The following TULP4 variants were observed in gnomAD, a reference collection of about 807,000 sequenced individuals.
TULP4 encodes the protein TUB like protein 4.
A neutral mutation model predicts 129.0 loss-of-function variants in TULP4; 16 were observed. The ratio of observed to expected loss-of-function variants is 0.12; its 90% CI spans 0.08 to 0.19. The LOEUF (loss-of-function observed/expected upper bound fraction) is 0.19. Ranked by LOEUF, TULP4 falls within the 10% of genes least tolerant of loss-of-function variation. The probability of loss-of-function intolerance (pLI) is 1.00; values close to 1 mark genes in which losing one functional copy is unlikely to be tolerated. For missense variants in TULP4, 1,842 were observed against 2,059.1 expected, an observed-to-expected ratio of 0.89 and a Z score of 2.04; for synonymous variants, 998 against 854.0, an observed-to-expected ratio of 1.17 and a Z score of -2.94.
chr6:158,232,704 G>T (rs760559652), intron 1 of TULP4, among the ~76,000 whole-genome samples: 3 of 152,162 alleles, frequency 2.0e-5, no homozygotes, highest in Non-Finnish European at 4.4e-5. Context: ...CCCTGAAAAC[G>T]GTTTCCCCAG....
chr6:158,265,830 T>C (rs746288363), intron 1 of TULP4, among the ~76,000 whole-genome samples: 4 of 152,154 alleles, frequency 2.6e-5, no homozygotes, highest in Non-Finnish European at 4.4e-5. Flanking sequence ...TCTTAGATCA[T>C]TGGACAGCAC....
chr6:158,440,717 C>A (rs917879664), intron 3 of TULP4, among the ~76,000 whole-genome samples: 11 of 152,176 alleles, frequency 7.2e-5, no homozygotes, highest in African/African-American at 2.2e-4. Flanking sequence ...AGCCTCCCAC[C>A]CTTCAGGGCT....
chr6:158,296,832 A>T (rs1035707011), intron 1 of TULP4, among the ~76,000 whole-genome samples: 3 of 152,178 alleles, frequency 2.0e-5, no homozygotes, highest in African/African-American at 7.2e-5. Flanking sequence ...GTGTATGAAC[A>T]GGGAAAAGAT....
chr6:158,241,350 G>A (rs1041995695), intron 1 of TULP4, among the ~76,000 whole-genome samples: 4 of 132,852 alleles, frequency 3.0e-5, no homozygotes, highest in Admixed American at 8.3e-5. Flanking sequence ...GGTGGCGGCC[G>A]GGCAGAGGCT....
chr6:158,421,331 C>A (rs1778333598), intron 2 of TULP4, among the ~76,000 whole-genome samples: 1 of 151,310 alleles, frequency 6.6e-6, no homozygotes, highest in Non-Finnish European at 1.5e-5. Flanking sequence ...CACTGCACTC[C>A]AGCCTGGGCC....
Position 158,506,722 on chromosome 6 carries a change from G to C in TULP4, c.*28G>C. 6.8e-7 allele frequency: 1 copy of C among 1,478,278 alleles called. No individual in the cohort carries two copies. Among genetic ancestry groups the C allele is most frequent in the South Asian group, 1.1e-5 (1 of 88,220 alleles). The allele number at this position is 1,478,278 out of a possible 1,614,324, so 91.6% of individuals were successfully genotyped here. On this transcript the variant is annotated 3_prime_UTR_variant, in exon 14 of 14. Transcript: ENST00000367097. ...AGACTGGTGTGGGGAGGAGAGAGAT[G>C]CAGAGAGCCTTTGGAAGAGGTCTTC... is the stretch of plus-strand genomic sequence containing the variant.
chr6:158,431,337 T>C (rs1162091697), intron 3 of TULP4, among the ~76,000 whole-genome samples: 1 of 152,154 alleles, frequency 6.6e-6, no homozygotes, highest in Non-Finnish European at 1.5e-5. Context: ...GTGAAAGCCC[T>C]TAAAAATCCA....
At chr6:158,403,195 C>T (rs1266079668) in intron 1 of TULP4, among the ~76,000 whole-genome samples, 1 of 152,160 alleles carries the variant, frequency 6.6e-6, no homozygotes, top group Admixed American at 6.5e-5. Flanking sequence ...CCACTGAGCT[C>T]CCGAGCTCTG....
chr6:158,385,965 C>T (rs1311237386), intron 1 of TULP4, among the ~76,000 whole-genome samples: 1 of 150,370 alleles, frequency 6.7e-6, no homozygotes, highest in African/African-American at 2.5e-5. Flanking sequence ...CTGCATCCGC[C>T]TCCTGAATAA....
chr6:158,480,066 G>C, intron 7 of TULP4, 91 bp downstream of exon 7: 4 of 1,011,362 alleles, frequency 4.0e-6, no homozygotes, highest in Non-Finnish European at 5.8e-6. Context: ...GTACCAGAGT[G>C]AGCACATGGG....
At chr6:158,484,638 AAG>A (rs981846735) in intron 8 of TULP4, among the ~76,000 whole-genome samples, 5 of 152,154 alleles carry the variant, frequency 3.3e-5, no homozygotes, top group Non-Finnish European at 2.9e-5. Context: ...AAGAAGGAGA[AAG>A]AGATCTCTCA....
chr6:158,310,996 G>T (rs913688445), upstream of TULP4, among the ~76,000 whole-genome samples: 1 of 151,768 alleles, frequency 6.6e-6, no homozygotes, highest in African/African-American at 2.4e-5. Flanking sequence ...ATGACTACTG[G>T]TGCAGTTGGT....
upstream of TULP4, among the ~76,000 whole-genome samples, chr6:158,308,490 A>C (rs1425906299): frequency 4.5e-4 from 68 of 152,044 alleles, no homozygotes; most frequent in Non-Finnish European, 6.5e-4. Context: ...CATTGTCATC[A>C]TGGCCCGTTC....
intron 8 of TULP4, among the ~76,000 whole-genome samples, chr6:158,489,004 A>C (rs1202135207): frequency 6.6e-6 from 1 of 152,164 alleles, no homozygotes; most frequent in African/African-American, 2.4e-5. Flanking sequence ...TTCCCACCGC[A>C]CAGGTTTCCT....
intron 1 of TULP4, among the ~76,000 whole-genome samples, chr6:158,368,824 T>G (rs988925021): frequency 5.9e-5 from 9 of 152,204 alleles, no homozygotes; most frequent in Non-Finnish European, 1.3e-4. Flanking sequence ...AGTTGTTGCC[T>G]ATGGTGGGAC....
Position 158,420,654 on chromosome 6 carries a change from G to GTT in TULP4, c.381+7469_381+7470dup, listed in dbSNP as rs67033212. ...CCGCCACTACACCTGGCTAATTTTT[G>GTT]TTTTTTTTTAGTAGAGACGAGGTTT... On this transcript the variant is annotated intron_variant, in intron 2 of 13. Transcript: ENST00000367097. Among the ~76,000 whole-genome samples the GTT allele has an allele frequency of 4.7e-3, 704 of 150,338 alleles. 3 individuals are homozygous for GTT. Among genetic ancestry groups the GTT allele is most frequent in the Admixed American group, 7.0e-3 (106 of 15,142 alleles).
At chr6:158,501,463 G>C (rs1458616662) in intron 12 of TULP4, among the ~76,000 whole-genome samples, 1 of 152,188 alleles carries the variant, frequency 6.6e-6, no homozygotes, top group Non-Finnish European at 1.5e-5. Flanking sequence ...AGTTCTGACA[G>C]TACCCTTAGC....
intron 1 of TULP4, among the ~76,000 whole-genome samples, chr6:158,392,011 A>G (rs1777595167): frequency 6.6e-6 from 1 of 152,186 alleles, no homozygotes; most frequent in Non-Finnish European, 1.5e-5. Context: ...AATGAAATGT[A>G]TTAGTTCATT....
chr6:158,244,203 C>T (rs989847752), intron 1 of TULP4, among the ~76,000 whole-genome samples: 4 of 152,122 alleles, frequency 2.6e-5, no homozygotes, highest in African/African-American at 9.7e-5. Context: ...CTAGTAATCT[C>T]ATAGCTTCCT....
Sources: gnomAD v4.1 joint callset for allele counts (sites outside exome capture counted in the v4.1 genomes callset) on GRCh38, gnomAD v4.1.1 for gene constraint, MANE v1.5 for transcripts, NCBI Gene and HGNC (gene_info 2026-07-23, HGNC 2026-07-21) for gene names.